KCTD16: variants seen among roughly 807,000 people sequenced by gnomAD.
KCTD16 encodes BTB/POZ domain-containing protein KCTD16.
KCTD16 carries 13 observed loss-of-function variants against 33.2 expected under a neutral mutation model. The ratio of observed to expected loss-of-function variants is 0.39; its 90% CI spans 0.25 to 0.62. The LOEUF (loss-of-function observed/expected upper bound fraction) is 0.62, where lower values mean the gene tolerates loss of function less well. KCTD16 is among the 20% of genes least tolerant of loss of function. The probability of loss-of-function intolerance (pLI) is 0.50; values close to 1 mark genes in which losing one functional copy is unlikely to be tolerated. For missense variants in KCTD16, 441 were observed against 525.1 expected, an observed-to-expected ratio of 0.84 and a Z score of 1.57; for synonymous variants, 197 against 195.3, an observed-to-expected ratio of 1.01 and a Z score of -0.07.
chr5:144,243,277 T>A (rs535189512), intron 3 of KCTD16, among the ~76,000 whole-genome samples: 4 of 152,226 alleles, frequency 2.6e-5, no homozygotes, highest in Non-Finnish European at 5.9e-5. Flanking sequence ...TTCTCCAGTA[T>A]AAAGTTACTC....
intron 3 of KCTD16, among the ~76,000 whole-genome samples, chr5:144,440,711 C>A (rs1753685041): frequency 6.6e-6 from 1 of 151,594 alleles, no homozygotes; most frequent in Admixed American, 6.6e-5. Flanking sequence ...TTGCATTTCT[C>A]TAATGATGAA....
intron 2 of KCTD16, among the ~76,000 whole-genome samples, chr5:144,180,685 G>T (rs1046112436): frequency 6.6e-5 from 10 of 152,136 alleles, no homozygotes; most frequent in Admixed American, 3.3e-4. Flanking sequence ...CTGCAGGTTG[G>T]GATCTCAGCT....
At chr5:144,388,655 CT>C (rs2126936796) in intron 3 of KCTD16, among the ~76,000 whole-genome samples, 1 of 152,272 alleles carries the variant, frequency 6.6e-6, no homozygotes, top group East Asian at 1.9e-4. Flanking sequence ...CATTTTCAGC[CT>C]TTATGATTTG....
intron 3 of KCTD16, among the ~76,000 whole-genome samples, chr5:144,413,509 G>T (rs1374606365): frequency 1.3e-5 from 2 of 151,972 alleles, no homozygotes; most frequent in Non-Finnish European, 2.9e-5. Context: ...GTTGACTTAG[G>T]GAAAAATGTT....
intron 3 of KCTD16, among the ~76,000 whole-genome samples, chr5:144,360,263 C>T (rs775498122): frequency 1.3e-5 from 2 of 152,082 alleles, no homozygotes; most frequent in Admixed American, 6.6e-5. Flanking sequence ...CTCCTACCCC[C>T]CAAGAGGCCC....
intron 3 of KCTD16, among the ~76,000 whole-genome samples, chr5:144,318,422 A>G (rs1751983514): frequency 6.6e-6 from 1 of 152,162 alleles, no homozygotes; most frequent in African/African-American, 2.4e-5. Context: ...GAAGAAACGT[A>G]TGGGTTTATT....
intron 3 of KCTD16, among the ~76,000 whole-genome samples, chr5:144,462,881 G>T (rs984909869): frequency 1.5e-4 from 23 of 152,172 alleles, no homozygotes; most frequent in African/African-American, 5.3e-4. Context: ...GATAATAGTG[G>T]ATTCCAACTT....
At chr5:144,357,616 G>T (rs1418046854) in intron 3 of KCTD16, among the ~76,000 whole-genome samples, 1 of 152,200 alleles carries the variant, frequency 6.6e-6, no homozygotes, top group Non-Finnish European at 1.5e-5. Flanking sequence ...CAGCTCAGTG[G>T]ATGGTGCAAT....
intron 3 of KCTD16, among the ~76,000 whole-genome samples, chr5:144,435,760 G>A (rs754449512): frequency 6.6e-6 from 1 of 151,976 alleles, no homozygotes; most frequent in African/African-American, 2.4e-5. Context: ...ATCCTTGGTA[G>A]AGGTGATTTT....
chr5:144,308,520 A>G (rs889094160), intron 3 of KCTD16, among the ~76,000 whole-genome samples: 1 of 152,132 alleles, frequency 6.6e-6, no homozygotes. Context: ...GGCTGACATT[A>G]CCTCAACAGG....
intron 3 of KCTD16, among the ~76,000 whole-genome samples, chr5:144,324,314 T>G (rs949541549): frequency 6.6e-6 from 1 of 152,172 alleles, no homozygotes; most frequent in African/African-American, 2.4e-5. Flanking sequence ...ACCAGTCAAA[T>G]GGACTTTTAG....
intron 3 of KCTD16, among the ~76,000 whole-genome samples, chr5:144,273,811 C>A (rs916346803): frequency 1.3e-5 from 2 of 151,834 alleles, no homozygotes; most frequent in Non-Finnish European, 2.9e-5. Flanking sequence ...TATGTAAATA[C>A]AAAATAGTTT....
At chr5:144,332,549 G>A (rs1752385978) in intron 3 of KCTD16, among the ~76,000 whole-genome samples, 1 of 152,152 alleles carries the variant, frequency 6.6e-6, no homozygotes, top group Non-Finnish European at 1.5e-5. Context: ...ATACTTTACT[G>A]GAAATAGAAG....
chr5:144,366,705 C>T (rs1173568571), intron 3 of KCTD16, among the ~76,000 whole-genome samples: 1 of 152,142 alleles, frequency 6.6e-6, no homozygotes, highest in African/African-American at 2.4e-5. Context: ...ATCCTAGTCA[C>T]AAATGACCAA....
chr5:144,322,031 G>T (rs975365837), intron 3 of KCTD16, among the ~76,000 whole-genome samples: 2 of 152,142 alleles, frequency 1.3e-5, no homozygotes, highest in Non-Finnish European at 2.9e-5. Flanking sequence ...TGCTAATACA[G>T]ATGGAGAAAG....
chr5:144,483,297 T>A lies in KCTD16; in HGVS notation c.*9183T>A, dbSNP rs1754742061. ...CACTTACCTATTGGTTAATTTATTATATCCTGGTTAATTTCACTTTATCAC... is the reference window on the plus strand; with the variant it reads ...CACTTACCTATTGGTTAATTTATTAAATCCTGGTTAATTTCACTTTATCAC... On this transcript the variant is annotated 3_prime_UTR_variant, in exon 4 of 4. Coordinates refer to ENST00000512467, the MANE Select transcript of KCTD16 (RefSeq NM_020768.4). 6.6e-6 allele frequency: 1 copy of A among 151,972 alleles called. No homozygotes were observed. Among genetic ancestry groups the A allele is most frequent in the South Asian group, 2.1e-4 (1 of 4,824 alleles). 9.4% of individuals were successfully genotyped at this position (151,972 alleles called of 1,614,324 possible). A position where few individuals can be genotyped will look rare whatever the true frequency, so the allele number is the denominator to read the frequency against.
chr5:144,370,816 C>A (rs1221744060), intron 3 of KCTD16, among the ~76,000 whole-genome samples: 2 of 152,064 alleles, frequency 1.3e-5, no homozygotes, highest in African/African-American at 2.4e-5. Flanking sequence ...AAACAAATAT[C>A]TTTTCAAGAA....
intron 2 of KCTD16, among the ~76,000 whole-genome samples, chr5:144,189,700 G>T (rs1483828654): frequency 1.3e-5 from 2 of 152,102 alleles, no homozygotes; most frequent in African/African-American, 4.8e-5. Context: ...CAGCCACCTT[G>T]TATCACAATA....
chr5:144,290,357 T>C (rs1167436024), intron 3 of KCTD16, among the ~76,000 whole-genome samples: 1 of 152,126 alleles, frequency 6.6e-6, no homozygotes, highest in East Asian at 1.9e-4. Flanking sequence ...ATCGTATTTC[T>C]TTGGGGAAAA....
Sources: allele counts gnomAD v4.1 joint callset (sites outside exome capture counted in the v4.1 genomes callset), GRCh38; gene constraint gnomAD v4.1.1; transcripts MANE v1.5; gene names NCBI Gene and HGNC (gene_info 2026-07-23, HGNC 2026-07-21).